Variants in ENTPD5 observed in about 807,000 individuals in gnomAD.
ENTPD5 encodes the protein nucleoside diphosphate phosphatase ENTPD5.
A neutral mutation model predicts 60.2 loss-of-function variants in ENTPD5; 49 were observed. The ratio of observed to expected loss-of-function variants is 0.81; its 90% CI spans 0.65 to 1.03. The LOEUF is 1.03. Among genes scored for constraint, ENTPD5 ranks in the 50% least tolerant of loss-of-function variants. The pLI, the probability that ENTPD5 is intolerant of heterozygous loss-of-function variation, is 0.00. For synonymous variants in ENTPD5, 187 were observed against 185.4 expected, an observed-to-expected ratio of 1.01 and a Z score of -0.07; for missense variants, 480 against 507.6, an observed-to-expected ratio of 0.95 and a Z score of 0.52.
downstream of ENTPD5, chr14:73,959,306 A>G (rs1483152725): frequency 1.2e-6 from 2 of 1,614,080 alleles, no homozygotes; most frequent in South Asian, 1.1e-5. Context: ...TCTGGTTTCA[A>G]GGGAATCTGC....
In ENTPD5 at chr14:73,966,996, T is replaced by TA; in HGVS notation, c.1218_1219insT (p.Asn407Ter). 6.2e-7 allele frequency: 1 copy of TA among 1,614,192 alleles called. No homozygotes were observed. Among genetic ancestry groups the TA allele is most frequent in the Non-Finnish European group, 8.5e-7 (1 of 1,179,996 alleles). On this transcript the variant is annotated frameshift_variant, in exon 16 of 16. Coordinates refer to ENST00000334696, the MANE Select transcript of ENTPD5 (RefSeq NM_001249.5). LOFTEE classifies it high-confidence loss of function. The stretch of plus-strand genomic sequence containing the variant: ...CCCAAGGCCCAGCCCGTCTCTATGT[T>TA]GTTCACTTTCTTTGTGAGCTGTTGA...
chr14:73,993,234 A>G (rs1384899820), intron 3 of ENTPD5, among the ~76,000 whole-genome samples: 1 of 152,068 alleles, frequency 6.6e-6, no homozygotes, highest in Non-Finnish European at 1.5e-5. Flanking sequence ...CTACTTGGGA[A>G]GCTGGAGGTG....
intron 3 of ENTPD5, among the ~76,000 whole-genome samples, chr14:74,002,974 C>T (rs764001957): frequency 5.9e-5 from 9 of 152,196 alleles, no homozygotes; most frequent in Non-Finnish European, 1.2e-4. Context: ...TTAGGGCCTT[C>T]GCTCTAAGCT....
rs745858466 is a variant in ENTPD5 at position 73,970,035 on chromosome 14, C to T, written c.1175G>A (p.Gly392Asp). ...YITALLKDGF[G>D]FADSTVLQLT... is the part of the protein sequence containing the mutation. ...CTGTAAGACTGTGCTGTCTGCAAAG[C>T]CAAAGCCATCCTTTAACAGGGCTGT... Residue 392 changes from glycine (G) to aspartate (D), a missense_variant, in exon 15 of 16, where the codon GGC (glycine) becomes GAC (aspartate). Coordinates refer to ENST00000334696, the MANE Select transcript of ENTPD5 (RefSeq NM_001249.5). The T allele has an allele frequency of 2.5e-6, 4 of 1,613,626 alleles. No individual in the cohort carries two copies. In the Admixed American group the frequency reaches 6.7e-5, roughly 27 times the overall value.
chr14:73,987,041 A>C, intron 4 of ENTPD5, 148 bp from the exon 5 acceptor site: 1 of 729,930 alleles, frequency 1.4e-6, no homozygotes, highest in South Asian at 1.5e-5. Flanking sequence ...GTCTTGCAGG[A>C]GTACTGGAAA....
intron 3 of ENTPD5, chr14:73,996,187 C>T (rs2058337777): frequency 1.0e-6 from 1 of 985,252 alleles, no homozygotes; most frequent in African/African-American, 1.7e-5. Context: ...TTCAGCTCTT[C>T]TTAATCAAGC....
chr14:73,998,923 CTT>C (rs1453997357), intron 3 of ENTPD5, among the ~76,000 whole-genome samples: 1 of 152,080 alleles, frequency 6.6e-6, no homozygotes, highest in Non-Finnish European at 1.5e-5. Flanking sequence ...GGAGTTTGGA[CTT>C]TACTCTGCAG....
chr14:73,980,369 A>G lies in ENTPD5; in HGVS notation c.441+2649T>C, dbSNP rs143269365. Among the ~76,000 whole-genome samples the G allele has an allele frequency of 2.0e-5, 3 of 151,086 alleles. No individual in the cohort carries two copies. In the East Asian group the frequency reaches 5.9e-4, roughly 30 times the overall value. On this transcript the variant is annotated intron_variant, in intron 6 of 15. Transcript: ENST00000334696. ...AAGCTCCGCCTCCCAAGTTCAAGCAATTCTCCTGCCTTAGCCTCCTGAGTA... is the reference window on the plus strand; with the variant it reads ...AAGCTCCGCCTCCCAAGTTCAAGCAGTTCTCCTGCCTTAGCCTCCTGAGTA...
intron 9 of ENTPD5, 109 bp from the exon 10 acceptor site, chr14:73,976,124 A>T: frequency 1.0e-6 from 1 of 969,856 alleles, no homozygotes; most frequent in South Asian, 1.4e-5. Flanking sequence ...AGACAGATTA[A>T]GGGGCTAATC....
chr14:73,986,819 T>C lies in ENTPD5; in HGVS notation c.292A>G (p.Lys98Glu). 5 of 1,613,088 alleles carry C rather than the reference T, an allele frequency of 3.1e-6. No homozygotes were observed. The highest frequency in any genetic ancestry group is 4.2e-6 in the Non-Finnish European group (5 of 1,179,070). ...PGLSAFVDQP[K>E]QGAETVQGLL... ...TCAAATCATAAGAAACTCACCTGCTTAGGTTGATCTACAAAAGCAGAAAGT... is the reference window on the plus strand; with the variant it reads ...TCAAATCATAAGAAACTCACCTGCTCAGGTTGATCTACAAAAGCAGAAAGT... The change falls in exon 5 of 16, where the codon AAG (lysine) becomes GAG (glutamate). Residue 98 changes from lysine (K) to glutamate (E), a missense_variant. Lys to Glu is a moderately conservative substitution (Grantham distance 56). Coordinates refer to ENST00000334696, the MANE Select transcript of ENTPD5 (RefSeq NM_001249.5).
chr14:74,010,070 G>A (rs1054810485), intron 3 of ENTPD5, among the ~76,000 whole-genome samples: 6 of 152,120 alleles, frequency 3.9e-5, no homozygotes, highest in East Asian at 1.9e-4. Flanking sequence ...GATTACAGGC[G>A]TAAGCCACCG....
Position 73,966,923 on chromosome 14 carries a change from T to C in ENTPD5, c.*5A>G, listed in dbSNP as rs759707876. On this transcript the variant is annotated 3_prime_UTR_variant, in exon 16 of 16. Coordinates refer to ENST00000334696, the MANE Select transcript of ENTPD5 (RefSeq NM_001249.5). Reference sequence around the variant, plus strand: ...AAATGCAGGTCTCCAAGGAAGTACGTGGCCTCAATGGGAGATGCCCAGAGA... The same window carrying C: ...AAATGCAGGTCTCCAAGGAAGTACGCGGCCTCAATGGGAGATGCCCAGAGA... The C allele has an allele frequency of 6.2e-7, 1 of 1,612,360 alleles. No homozygotes were observed. The highest frequency in any genetic ancestry group is 1.7e-5 in the Admixed American group (1 of 60,014).
At chr14:73,999,497 C>T (rs7157723) in intron 3 of ENTPD5, among the ~76,000 whole-genome samples, 3 of 150,724 alleles carry the variant, frequency 2.0e-5, no homozygotes, top group Non-Finnish European at 3.0e-5. Context: ...CCCACCCCCC[C>T]AAAAAAAACA....
At chr14:74,007,699 T>C (rs948465171) in intron 3 of ENTPD5, 10 of 151,890 alleles carry the variant, frequency 6.6e-5, no homozygotes, top group African/African-American at 2.2e-4. Flanking sequence ...CACATACCTG[T>C]AGTCTCAGCT....
intron 3 of ENTPD5, chr14:73,996,697 A>G (rs906143144): frequency 6.6e-6 from 1 of 152,208 alleles, no homozygotes; most frequent in African/African-American, 2.4e-5. Context: ...TAATCTTAGC[A>G]CTTTGGAAGG....
At chr14:73,959,476 T>G, downstream of ENTPD5, 1 of 1,614,220 alleles carries the variant, frequency 6.2e-7, no homozygotes, top group Non-Finnish European at 8.5e-7. Flanking sequence ...GCAGAGCTAG[T>G]TAGCATGGAT....
At chr14:73,992,760 T>C (rs1328577721) in intron 3 of ENTPD5, among the ~76,000 whole-genome samples, 1 of 151,896 alleles carries the variant, frequency 6.6e-6, no homozygotes, top group East Asian at 1.9e-4. Context: ...CTCAGCATTT[T>C]GGGAGGCCGA....
downstream of ENTPD5, chr14:73,955,405 A>C (rs575867085): frequency 1.4e-6 from 2 of 1,467,426 alleles, no homozygotes; most frequent in African/African-American, 2.8e-5. Context: ...GGGGGAGCCC[A>C]GGTCCTTGTG....
At chr14:73,984,650 T>C (rs1290735973) in intron 5 of ENTPD5, among the ~76,000 whole-genome samples, 4 of 152,200 alleles carry the variant, frequency 2.6e-5, no homozygotes, top group Non-Finnish European at 5.9e-5. Context: ...TTTCTAATAA[T>C]ATAGTTGCTT....
Sources: gnomAD v4.1 joint callset for allele counts (sites outside exome capture counted in the v4.1 genomes callset) on GRCh38, gnomAD v4.1.1 for gene constraint, MANE v1.5 for transcripts, NCBI Gene and HGNC (gene_info 2026-07-23, HGNC 2026-07-21) for gene names.